GPC5: variants seen among roughly 807,000 people sequenced by gnomAD.
The protein encoded by GPC5 is glypican 5, also known as glypican-5.
Under a neutral mutation model 53.9 loss-of-function variants are expected in GPC5, and 47 were observed. The ratio of observed to expected loss-of-function variants is 0.87; its 90% confidence interval spans 0.69 to 1.11. The LOEUF (loss-of-function observed/expected upper bound fraction) is 1.11. GPC5 is among the 50% of genes most tolerant of loss of function. The pLI, the probability that GPC5 is intolerant of heterozygous loss-of-function variation, is 0.00. For synonymous variants in GPC5, 286 were observed against 263.3 expected (o/e 1.09, Z -0.84); for missense variants, 748 against 713.1 (o/e 1.05, Z -0.56).
chr13:92,032,509 A>G (rs1566403872), intron 6 of GPC5, among the ~76,000 whole-genome samples: 1 of 151,834 alleles, frequency 6.6e-6, no homozygotes, highest in African/African-American at 2.4e-5. Flanking sequence ...CTGCACTAAT[A>G]TAAGTTTGCT....
intron 7 of GPC5, among the ~76,000 whole-genome samples, chr13:92,280,865 G>A (rs61966609): frequency 0.044 from 6,686 of 152,172 alleles, 166 homozygotes; most frequent in East Asian, 0.065. Flanking sequence ...CTGAGGTACC[G>A]GGTTCATCTC....
At chr13:91,788,966 C>A (rs1235129990) in intron 5 of GPC5, among the ~76,000 whole-genome samples, 3 of 152,140 alleles carry the variant, frequency 2.0e-5, no homozygotes, top group Non-Finnish European at 4.4e-5. Context: ...GTAATCCCAG[C>A]ACTTTGGGAG....
At chr13:91,866,407 T>A (rs564659130) in intron 5 of GPC5, among the ~76,000 whole-genome samples, 1 of 152,220 alleles carries the variant, frequency 6.6e-6, no homozygotes, top group African/African-American at 2.4e-5. Flanking sequence ...GTAAAAGGTG[T>A]TTTTTTCCCA....
chr13:92,026,047 G>A (rs1273120159), intron 6 of GPC5, among the ~76,000 whole-genome samples: 1 of 152,116 alleles, frequency 6.6e-6, no homozygotes, highest in Admixed American at 6.6e-5. Flanking sequence ...GCACTTCCGA[G>A]CAGGAGTAGA....
chr13:91,981,555 C>T (rs1484109686), intron 6 of GPC5, among the ~76,000 whole-genome samples: 2 of 152,180 alleles, frequency 1.3e-5, no homozygotes, highest in Non-Finnish European at 2.9e-5. Context: ...TCCCAAAGTG[C>T]TGGGATTACA....
At chr13:91,882,645 G>A (rs1001549642) in intron 5 of GPC5, among the ~76,000 whole-genome samples, 1 of 115,130 alleles carries the variant, frequency 8.7e-6, no homozygotes, top group East Asian at 2.6e-4. Flanking sequence ...TTTCAGCTGA[G>A]GTTTTTTGTT....
At chr13:91,881,027 G>T (rs950514109) in intron 5 of GPC5, among the ~76,000 whole-genome samples, 17 of 152,250 alleles carry the variant, frequency 1.1e-4, no homozygotes, top group Admixed American at 8.5e-4. Context: ...CTGAACTCAG[G>T]TGATCTGCCC....
At chr13:91,887,715 T>A (rs779137193) in intron 5 of GPC5, among the ~76,000 whole-genome samples, 1 of 152,120 alleles carries the variant, frequency 6.6e-6, no homozygotes, top group South Asian at 2.1e-4. Flanking sequence ...ATAGCAAGAG[T>A]CACCTTTGGT....
chr13:91,447,427 C>T (rs1566406132), intron 1 of GPC5, among the ~76,000 whole-genome samples: 1 of 151,644 alleles, frequency 6.6e-6, no homozygotes, highest in Non-Finnish European at 1.5e-5. Flanking sequence ...AAAATGTTAC[C>T]TACTGTGACA....
At chr13:91,519,607 C>T (rs1449974402) in intron 2 of GPC5, among the ~76,000 whole-genome samples, 3 of 152,170 alleles carry the variant, frequency 2.0e-5, no homozygotes, top group African/African-American at 7.2e-5. Context: ...CCTGAGGCCT[C>T]CCCAGCCATG....
chr13:91,983,761 TCCAGGGGTGAC>T (rs1348450133), intron 6 of GPC5, among the ~76,000 whole-genome samples: 3 of 152,276 alleles, frequency 2.0e-5, no homozygotes, highest in African/African-American at 7.2e-5. Context: ...CTACCTACTG[TCCAGGGGTGAC>T]ATGGATGATC....
chr13:91,648,879 A>G (rs1427246610), intron 2 of GPC5, among the ~76,000 whole-genome samples: 1 of 152,182 alleles, frequency 6.6e-6, no homozygotes. Context: ...ACAGTGCGGT[A>G]TCAAGAGTGT....
At chr13:92,504,949 A>G (rs958768729) in intron 7 of GPC5, among the ~76,000 whole-genome samples, 1 of 151,386 alleles carries the variant, frequency 6.6e-6, no homozygotes, top group African/African-American at 2.4e-5. Context: ...CTAAAGCAAG[A>G]CCATGAAAGT....
intron 6 of GPC5, among the ~76,000 whole-genome samples, chr13:92,031,752 T>TATATTATATATTATATATAATATGTAA (rs1566403212): frequency 6.9e-5 from 3 of 43,730 alleles, no homozygotes; most frequent in East Asian, 9.2e-4. Context: ...ATAATATATA[T>TATATTATATATTATATATAATATGTAA]TATATTACAT....
intron 2 of GPC5, among the ~76,000 whole-genome samples, chr13:91,586,909 C>A (rs2032618237): frequency 6.6e-6 from 1 of 151,818 alleles, no homozygotes; most frequent in African/African-American, 2.4e-5. Flanking sequence ...TACATTTAGA[C>A]ATATGTTTAT....
At chr13:91,972,004 C>T (rs2040246993) in intron 6 of GPC5, among the ~76,000 whole-genome samples, 1 of 152,132 alleles carries the variant, frequency 6.6e-6, no homozygotes, top group South Asian at 2.1e-4. Flanking sequence ...GAGCTGAGTT[C>T]AGTTCCTGGA....
At chr13:92,043,641 A>AGT (rs1227787451) in intron 6 of GPC5, among the ~76,000 whole-genome samples, 3 of 152,204 alleles carry the variant, frequency 2.0e-5, no homozygotes, top group African/African-American at 7.2e-5. Flanking sequence ...CAGACATTGC[A>AGT]GTTATTGGTC....
intron 6 of GPC5, among the ~76,000 whole-genome samples, chr13:92,138,232 G>T (rs2041800445): frequency 6.6e-6 from 1 of 152,038 alleles, no homozygotes; most frequent in South Asian, 2.1e-4. Flanking sequence ...ATAAAAACTG[G>T]CTTCTTGGCC....
intron 2 of GPC5, among the ~76,000 whole-genome samples, chr13:91,487,031 C>A (rs1013302962): frequency 6.6e-6 from 1 of 151,398 alleles, no homozygotes; most frequent in Non-Finnish European, 1.5e-5. Flanking sequence ...ATAAAAATAT[C>A]CAAATCGAGC....
Sources: allele counts gnomAD v4.1 joint callset (sites outside exome capture counted in the v4.1 genomes callset), GRCh38; gene constraint gnomAD v4.1.1; transcripts MANE v1.5; gene names NCBI Gene and HGNC (gene_info 2026-07-23, HGNC 2026-07-21).